The following CLVS1 variants were observed in gnomAD, a reference collection of about 807,000 sequenced individuals.
CLVS1 encodes the protein clavesin 1, also known as clavesin-1.
Under a neutral mutation model 33.1 loss-of-function variants are expected in CLVS1, and 10 were observed. That is an observed-to-expected ratio of 0.30 (90% CI 0.19 to 0.51). The LOEUF is 0.51. Ranked by LOEUF, CLVS1 falls within the 20% of genes least tolerant of loss-of-function variation. The pLI is 0.97. For synonymous variants in CLVS1, 163 were observed against 166.1 expected (o/e 0.98, Z 0.14); for missense variants, 343 against 433.4 (o/e 0.79, Z 1.85).
At chr8:61,151,776 A>G (rs1806542112) in intron 2 of CLVS1, among the ~76,000 whole-genome samples, 1 of 152,176 alleles carries the variant, frequency 6.6e-6, no homozygotes, top group Non-Finnish European at 1.5e-5. Flanking sequence ...ATATTTCCTG[A>G]AAGAAGTAGT....
At chr8:61,382,552 G>C (rs753431733) in intron 3 of CLVS1, among the ~76,000 whole-genome samples, 4 of 152,110 alleles carry the variant, frequency 2.6e-5, no homozygotes, top group African/African-American at 9.7e-5. Flanking sequence ...CAAGTCCTTC[G>C]GGTGATTTGC....
chr8:61,031,729 A>T, the CLVS1 span, among the ~76,000 whole-genome samples: 1 of 152,220 alleles, frequency 6.6e-6, no homozygotes, highest in Admixed American at 6.5e-5. Context: ...TAATAATTCA[A>T]TACAGAATGG....
chr8:61,072,323 A>T (rs1403862824), intron 1 of CLVS1, among the ~76,000 whole-genome samples: 1 of 152,188 alleles, frequency 6.6e-6, no homozygotes, highest in Non-Finnish European at 1.5e-5. Flanking sequence ...ATCCATGAAG[A>T]TGCATTCCAG....
At chr8:61,003,970 T>C in the CLVS1 span, among the ~76,000 whole-genome samples, 5 of 152,244 alleles carry the variant, frequency 3.3e-5, no homozygotes, top group East Asian at 1.9e-4. Flanking sequence ...AATCTATCAT[T>C]TGAGCCTCAT....
At position 61,362,823 on chromosome 8, in the gene CLVS1, G is replaced by T. The variant is rs76472624; in HGVS notation, c.456-13782G>T. Among the ~76,000 whole-genome samples the T allele has an allele frequency of 9.3e-3, 1,411 of 152,264 alleles. 15 individuals are homozygous for T. Among genetic ancestry groups the T allele is most frequent in the Non-Finnish European group, 0.015 (1,015 of 68,022 alleles). On this transcript the variant is annotated intron_variant, in intron 2 of 5. Coordinates refer to ENST00000325897, the MANE Select transcript of CLVS1 (RefSeq NM_173519.3). Reference sequence around the variant, plus strand: ...CTCCCCAAGCTTTCCTGATACTTCAGCTTGCTGCAGTCAGCAATTACTTAC... The same window carrying T: ...CTCCCCAAGCTTTCCTGATACTTCATCTTGCTGCAGTCAGCAATTACTTAC...
chr8:61,154,219 TTG>T (rs907837758), intron 2 of CLVS1, among the ~76,000 whole-genome samples: 11 of 151,758 alleles, frequency 7.2e-5, no homozygotes, highest in African/African-American at 2.4e-4. Flanking sequence ...TTGTTTTTTT[TTG>T]TTTGTTTGTT....
intron 2 of CLVS1, among the ~76,000 whole-genome samples, chr8:61,357,494 CTTTTTTTT>C (rs1167743712): frequency 3.1e-4 from 8 of 25,810 alleles, no homozygotes; most frequent in Admixed American, 1.1e-3. Context: ...TTTTTCTTTT[CTTTTTTTT>C]TTTTTTTTTT....
At chr8:61,286,090 T>G (rs1157121261), upstream of CLVS1, among the ~76,000 whole-genome samples, 2 of 151,860 alleles carry the variant, frequency 1.3e-5, no homozygotes, top group Non-Finnish European at 2.9e-5. Context: ...AAGAACAAAT[T>G]AACTCTGCAG....
chr8:61,145,632 G>C (rs1056782454), intron 2 of CLVS1, among the ~76,000 whole-genome samples: 4 of 152,134 alleles, frequency 2.6e-5, no homozygotes, highest in African/African-American at 4.8e-5. Flanking sequence ...TATTAGATCT[G>C]ATTTGTCAAT....
chr8:61,202,854 A>T (rs768405750), intron 2 of CLVS1: 151 of 980,080 alleles, frequency 1.5e-4, no homozygotes, highest in Middle Eastern at 3.0e-4. Flanking sequence ...ATGATGATGA[A>T]GAAGATGATG....
the CLVS1 span, among the ~76,000 whole-genome samples, chr8:61,026,590 C>G: frequency 2.0e-5 from 3 of 152,272 alleles, no homozygotes; most frequent in East Asian, 5.8e-4. Flanking sequence ...CCAGCCTGGC[C>G]CTGCCCAACT....
chr8:61,345,673 T>TG (rs1812193238), intron 2 of CLVS1, among the ~76,000 whole-genome samples: 1 of 150,242 alleles, frequency 6.7e-6, no homozygotes, highest in Admixed American at 6.7e-5. Flanking sequence ...TGTGTGTGTT[T>TG]GGTTTGACAA....
intron 1 of CLVS1, among the ~76,000 whole-genome samples, chr8:61,120,902 C>T (rs1274081616): frequency 6.8e-6 from 1 of 148,090 alleles, no homozygotes; most frequent in East Asian, 2.0e-4. Context: ...AGGCTCCACC[C>T]ATTTCCAGCT....
intron 3 of CLVS1, among the ~76,000 whole-genome samples, chr8:61,403,528 G>A (rs1374858973): frequency 6.6e-6 from 1 of 152,192 alleles, no homozygotes; most frequent in Non-Finnish European, 1.5e-5. Context: ...AACAGTGAAA[G>A]TGGTGGGAAG....
chr8:61,487,788 A>G (rs1803934038), intron 5 of CLVS1, among the ~76,000 whole-genome samples: 1 of 152,060 alleles, frequency 6.6e-6, no homozygotes, highest in Non-Finnish European at 1.5e-5. Context: ...TCATTTGACT[A>G]AAAAAACATA....
intron 3 of CLVS1, among the ~76,000 whole-genome samples, chr8:61,446,756 A>T (rs527677719): frequency 5.3e-5 from 8 of 152,286 alleles, no homozygotes; most frequent in African/African-American, 1.9e-4. Context: ...CAAGGGAGAA[A>T]AAAACATTCA....
chr8:61,336,509 G>T (rs1811812133), intron 2 of CLVS1, among the ~76,000 whole-genome samples: 1 of 152,104 alleles, frequency 6.6e-6, no homozygotes, highest in Non-Finnish European at 1.5e-5. Context: ...CCGGCACCCT[G>T]GGTGGTACAA....
chr8:61,346,627 C>A (rs1812228205), intron 2 of CLVS1, among the ~76,000 whole-genome samples: 1 of 152,092 alleles, frequency 6.6e-6, no homozygotes, highest in South Asian at 2.1e-4. Context: ...TCCCTGATGC[C>A]TCCTTGTAAA....
chr8:61,023,104 A>G, the CLVS1 span, among the ~76,000 whole-genome samples: 1 of 152,246 alleles, frequency 6.6e-6, no homozygotes, highest in East Asian at 1.9e-4. Flanking sequence ...AGGGAGGAAA[A>G]TAAATATTAT....
Sources: gnomAD v4.1 joint callset for allele counts (sites outside exome capture counted in the v4.1 genomes callset) on GRCh38, gnomAD v4.1.1 for gene constraint, MANE v1.5 for transcripts, NCBI Gene and HGNC (gene_info 2026-07-23, HGNC 2026-07-21) for gene names.